FHIT: variants seen among roughly 807,000 people sequenced by gnomAD.
The protein encoded by FHIT is fragile histidine triad diadenosine triphosphatase.
Under a neutral mutation model 17.9 loss-of-function variants are expected in FHIT, and 19 were observed. The observed-to-expected ratio is 1.06, with a 90% CI of 0.74 to 1.56. FHIT has a LOEUF of 1.56. Ranked by LOEUF, FHIT falls within the 40% of genes most tolerant of loss-of-function variation. The pLI is 0.00. For synonymous variants in FHIT, 81 were observed against 69.7 expected (o/e 1.16, Z -0.81); for missense variants, 248 against 189.2 (o/e 1.31, Z -1.82).
chr3:60,435,957 G>C (rs1040211840), intron 5 of FHIT, among the ~76,000 whole-genome samples: 3 of 152,128 alleles, frequency 2.0e-5, no homozygotes, highest in Non-Finnish European at 4.4e-5. Flanking sequence ...ATGGCCTCCA[G>C]CTCCATCCTT....
intron 5 of FHIT, among the ~76,000 whole-genome samples, chr3:60,455,497 T>C (rs753730155): frequency 2.0e-5 from 3 of 152,146 alleles, no homozygotes; most frequent in Non-Finnish European, 1.5e-5. Flanking sequence ...CAGTTTAGTG[T>C]GAGGATCAAA....
chr3:59,828,736 C>G (rs1701060169), intron 8 of FHIT, among the ~76,000 whole-genome samples: 1 of 152,130 alleles, frequency 6.6e-6, no homozygotes. Flanking sequence ...GGGAAAATCT[C>G]TTTCCAATAT....
At chr3:60,795,388 C>A (rs782572419) in intron 4 of FHIT, among the ~76,000 whole-genome samples, 3 of 152,060 alleles carry the variant, frequency 2.0e-5, no homozygotes, top group South Asian at 2.1e-4. Context: ...GTTTGGGTAA[C>A]TTATTTACCT....
intron 5 of FHIT, among the ~76,000 whole-genome samples, chr3:60,421,449 G>C (rs542596512): frequency 6.6e-6 from 1 of 152,122 alleles, no homozygotes. Context: ...ATTTCAGATG[G>C]TGAGACCCAG....
At chr3:61,134,100 T>TACATACACACACACAC (rs1553850508) in intron 2 of FHIT, among the ~76,000 whole-genome samples, 1 of 134,876 alleles carries the variant, frequency 7.4e-6, no homozygotes, top group African/African-American at 2.9e-5. Flanking sequence ...CACACACACA[T>TACATACACACACACAC]ACACACACAC....
In FHIT at chr3:61,044,468, T is replaced by A. The variant is rs560720985; in HGVS notation, c.-163-2369A>T. Among the ~76,000 whole-genome samples the A allele has an allele frequency of 2.7e-4, 41 of 152,236 alleles. 1 individual carries two copies. Among genetic ancestry groups the A allele is most frequent in the Admixed American group, 8.5e-4 (13 of 15,284 alleles). The stretch of plus-strand genomic sequence containing the variant: ...AAAAGAGATGAACAAAGCCTCCAAG[T>A]AATACGGGACTATGTGAAAAGACCA... On this transcript the variant is annotated intron_variant, in intron 2 of 9. Coordinates refer to ENST00000492590, the MANE Select transcript of FHIT (RefSeq NM_002012.4).
chr3:61,006,606 CTT>C (rs59158084), intron 3 of FHIT, among the ~76,000 whole-genome samples: 13,085 of 145,808 alleles, frequency 0.09, 563 homozygotes, highest in East Asian at 0.17. Context: ...AAAACATATT[CTT>C]TTTTTTTTTT....
intron 8 of FHIT, among the ~76,000 whole-genome samples, chr3:59,853,732 T>C (rs527366679): frequency 6.6e-6 from 1 of 152,288 alleles, no homozygotes; most frequent in African/African-American, 2.4e-5. Flanking sequence ...CACAGAGATA[T>C]GGGGACACAC....
At chr3:60,159,260 A>G (rs1700837155) in intron 5 of FHIT, among the ~76,000 whole-genome samples, 1 of 152,074 alleles carries the variant, frequency 6.6e-6, no homozygotes, top group African/African-American at 2.4e-5. Context: ...AGCTGAGACT[A>G]CAGGTGCCTG....
chr3:60,955,611 T>TATATACATATATATAC (rs1553778525), intron 3 of FHIT, among the ~76,000 whole-genome samples: 1 of 16,896 alleles, frequency 5.9e-5, no homozygotes, highest in Non-Finnish European at 1.7e-4. Context: ...TATATATATA[T>TATATACATATATATAC]ATATATATAT....
intron 5 of FHIT, among the ~76,000 whole-genome samples, chr3:60,060,486 C>T (rs1702254634): frequency 6.6e-6 from 1 of 152,080 alleles, no homozygotes; most frequent in South Asian, 2.1e-4. Flanking sequence ...ATGATTAATC[C>T]TTTGTATTAA....
chr3:60,637,694 A>G (rs2039622717), intron 4 of FHIT, among the ~76,000 whole-genome samples: 1 of 152,214 alleles, frequency 6.6e-6, no homozygotes, highest in South Asian at 2.1e-4. Context: ...GAAGTATCCT[A>G]AAACATATAT....
chr3:60,611,823 C>G (rs1576969068), intron 4 of FHIT, among the ~76,000 whole-genome samples: 1 of 152,272 alleles, frequency 6.6e-6, no homozygotes, highest in South Asian at 2.1e-4. Context: ...AACCTTTAAA[C>G]TTGTTCTACC....
At chr3:60,261,544 A>G (rs1297626380) in intron 5 of FHIT, among the ~76,000 whole-genome samples, 1 of 152,058 alleles carries the variant, frequency 6.6e-6, no homozygotes, top group East Asian at 1.9e-4. Context: ...AGAAACAATA[A>G]ACTTCAAGAC....
At chr3:60,775,920 C>G (rs1700203688) in intron 4 of FHIT, among the ~76,000 whole-genome samples, 1 of 152,228 alleles carries the variant, frequency 6.6e-6, no homozygotes. Context: ...TTAAATTTGT[C>G]TCCCTGGTGG....
chr3:60,346,664 G>A (rs1710796034), intron 5 of FHIT, among the ~76,000 whole-genome samples: 1 of 152,030 alleles, frequency 6.6e-6, no homozygotes, highest in Non-Finnish European at 1.5e-5. Context: ...ACTTTTCCTG[G>A]TGGTGTGACA....
intron 5 of FHIT, among the ~76,000 whole-genome samples, chr3:60,403,852 A>T (rs1189936334): frequency 6.6e-6 from 1 of 152,150 alleles, no homozygotes; most frequent in African/African-American, 2.4e-5. Context: ...TGTCATGTAA[A>T]ATTATGATCA....
chr3:59,974,314 G>T (rs72877017), intron 7 of FHIT, among the ~76,000 whole-genome samples: 1 of 152,270 alleles, frequency 6.6e-6, no homozygotes, highest in African/African-American at 2.4e-5. Context: ...AGTAAGTCCA[G>T]GAGTCTTATT....
chr3:60,248,883 C>G (rs1203509164), intron 5 of FHIT, among the ~76,000 whole-genome samples: 4 of 152,122 alleles, frequency 2.6e-5, no homozygotes, highest in Admixed American at 6.5e-5. Flanking sequence ...AGGAAAGTCA[C>G]ATTTTTATCA....
Sources: gnomAD v4.1 joint callset for allele counts (sites outside exome capture counted in the v4.1 genomes callset) on GRCh38, gnomAD v4.1.1 for gene constraint, MANE v1.5 for transcripts, NCBI Gene and HGNC (gene_info 2026-07-23, HGNC 2026-07-21) for gene names.